The following MGST1 variants were observed in gnomAD, a reference collection of about 807,000 sequenced individuals.
The protein encoded by MGST1 is microsomal glutathione S-transferase 1.
In MGST1, 5 loss-of-function variants were observed where a neutral mutation model predicts 8.9. The ratio of observed to expected loss-of-function variants is 0.56; its 90% CI spans 0.29 to 1.19. The LOEUF (loss-of-function observed/expected upper bound fraction) is 1.19, where lower values mean the gene tolerates loss of function less well. Among genes scored for constraint, MGST1 ranks in the 50% most tolerant of loss-of-function variants. The pLI is 0.08. For synonymous variants in MGST1, 54 were observed against 67.8 expected (o/e 0.80, Z 1.00); for missense variants, 182 against 187.4 (o/e 0.97, Z 0.17).
At chr12:16,484,012 G>A (rs748557590) in intron 4 of MGST1, among the ~76,000 whole-genome samples, 7 of 152,192 alleles carry the variant, frequency 4.6e-5, no homozygotes, top group African/African-American at 1.4e-4. Context: ...TCTGACTACA[G>A]TGGGACCAAA....
intron 4 of MGST1, among the ~76,000 whole-genome samples, chr12:16,468,139 A>G (rs1418442727): frequency 6.6e-6 from 1 of 152,160 alleles, no homozygotes; most frequent in African/African-American, 2.4e-5. Context: ...AGCTCATTCT[A>G]TTTCCATCTG....
At chr12:16,557,122 A>G (rs552067875) in intron 4 of MGST1, among the ~76,000 whole-genome samples, 4 of 152,320 alleles carry the variant, frequency 2.6e-5, no homozygotes, top group African/African-American at 7.2e-5. Context: ...TGTAAATAGC[A>G]TTAACAACCT....
At chr12:16,477,352 A>T (rs1191355474) in intron 4 of MGST1, among the ~76,000 whole-genome samples, 1 of 152,184 alleles carries the variant, frequency 6.6e-6, no homozygotes, top group Non-Finnish European at 1.5e-5. Flanking sequence ...TAGATAGCCT[A>T]AAAAATGACA....
At chr12:16,575,860 C>A (rs1214157526) in intron 4 of MGST1, among the ~76,000 whole-genome samples, 2 of 152,080 alleles carry the variant, frequency 1.3e-5, no homozygotes, top group African/African-American at 4.8e-5. Context: ...TCTAGTTCTC[C>A]CTACGTGACA....
chr12:16,546,959 G>A lies in MGST1; in HGVS notation n.483-42569G>A, dbSNP rs891787285. ...AATTAAATCGTGTGTATACTAAAGC[G>A]TTGTAAAATTGACTCAAGTGTTTTA... On this transcript the variant is annotated intron_variant and non_coding_transcript_variant, in intron 4 of 4. Transcript: ENST00000538857. This position sits in a 1 kb window ranked among gnomAD's most constrained non-coding sequence, Gnocchi z 4.7. 7.9e-5 allele frequency among the ~76,000 whole-genome samples: 12 copies of A among 152,162 alleles called. No individual in the cohort carries two copies. The highest frequency in any genetic ancestry group is 2.4e-4 in the African/African-American group (10 of 41,522).
intron 4 of MGST1, among the ~76,000 whole-genome samples, chr12:16,453,708 T>A (rs1591733373): frequency 6.6e-6 from 1 of 151,918 alleles, no homozygotes; most frequent in Non-Finnish European, 1.5e-5. Context: ...CCCTGGCTGC[T>A]AGTGGTTTGC....
chr12:16,502,936 C>T (rs938184221), intron 4 of MGST1, among the ~76,000 whole-genome samples: 1 of 152,188 alleles, frequency 6.6e-6, no homozygotes, highest in Admixed American at 6.5e-5. Flanking sequence ...ACTCTTCCTA[C>T]ATGATGGCTG....
At chr12:16,477,197 C>T (rs1941329325) in intron 4 of MGST1, among the ~76,000 whole-genome samples, 1 of 152,142 alleles carries the variant, frequency 6.6e-6, no homozygotes, top group African/African-American at 2.4e-5. Context: ...GTTTGAAGTT[C>T]ATCCTGCTGT....
rs970654116 is a variant in MGST1, at chr12:16,361,147, C to A, written c.222-2648C>A. Among the ~76,000 whole-genome samples the A allele has an allele frequency of 2.0e-5, 3 of 152,026 alleles. No individual in the cohort carries two copies. Among genetic ancestry groups the A allele is most frequent in the Admixed American group, 6.5e-5 (1 of 15,270 alleles). ...AAGTCTCATCAATTTGGGAAAATTC[C>A]TTTGTGAGAATGTGAACACATGGCT... On this transcript the variant is annotated intron_variant, in intron 3 of 3. Coordinates refer to ENST00000396210, the MANE Select transcript of MGST1 (RefSeq NM_020300.5). This position sits in a 1 kb window ranked among gnomAD's most constrained non-coding sequence, Gnocchi z 4.2.
rs4149200 is a variant in MGST1 at position 16,360,744 on chromosome 12, G to C, written c.221+3045G>C. On this transcript the variant is annotated intron_variant, in intron 3 of 3. Coordinates refer to ENST00000396210, the MANE Select transcript of MGST1 (RefSeq NM_020300.5). ...TTAGAATATATTCCCTTTAAAGGTA[G>C]AGAATAACCCTTCACTGAGAGTGTT... Among the ~76,000 whole-genome samples, 268 of 152,308 alleles carry C rather than the reference G, an allele frequency of 1.8e-3. 2 individuals are homozygous for C. The East Asian group carries it at 0.043, about 24-fold the overall frequency.
downstream of MGST1, among the ~76,000 whole-genome samples, chr12:16,591,765 C>G (rs957799910): frequency 1.3e-5 from 2 of 152,042 alleles, no homozygotes; most frequent in African/African-American, 4.8e-5. The surrounding 1 kb of genome is among the most constrained non-coding windows in gnomAD (Gnocchi z 4.1). Context: ...GTCTGTCTTG[C>G]TCTGCACCCA....
intron 4 of MGST1, among the ~76,000 whole-genome samples, chr12:16,583,736 C>T (rs1943236300): frequency 6.6e-6 from 1 of 152,098 alleles, no homozygotes; most frequent in Non-Finnish European, 1.5e-5. Flanking sequence ...GTAGCATACC[C>T]ATGGCAATTT....
intron 4 of MGST1, among the ~76,000 whole-genome samples, chr12:16,583,529 T>C (rs2137556249): frequency 6.6e-6 from 1 of 152,144 alleles, no homozygotes; most frequent in African/African-American, 2.4e-5. Flanking sequence ...GGACATAAAA[T>C]TGGCCTTAGA....
intron 2 of MGST1, among the ~76,000 whole-genome samples, chr12:16,355,602 G>T (rs541422138): frequency 1.7e-4 from 26 of 152,306 alleles, no homozygotes; most frequent in African/African-American, 3.6e-4. Context: ...GTGGCTGTCT[G>T]CTTCCAGGTC....
chr12:16,484,782 G>A (rs2137149239), intron 4 of MGST1, among the ~76,000 whole-genome samples: 1 of 151,088 alleles, frequency 6.6e-6, no homozygotes, highest in Middle Eastern at 3.4e-3. Flanking sequence ...CTCCAACACT[G>A]GGGATTACAA....
chr12:16,513,448 G>T lies in MGST1; in HGVS notation n.483-76080G>T. 1 of 410,958 alleles carries T rather than the reference G, an allele frequency of 2.4e-6. No homozygotes were observed. The allele number at this position is 410,958 out of a possible 1,614,324, so 25.5% of individuals were successfully genotyped here. A position where few individuals can be genotyped will look rare whatever the true frequency, so the allele number is the denominator to read the frequency against. ...CCGGGATCGCCGCCGCCTTCCACCC[G>T]GGCTCGCCTCTGATGCCCCTGCCAG... On this transcript the variant is annotated intron_variant and non_coding_transcript_variant, in intron 4 of 4. Transcript: ENST00000538857. This position sits in a 1 kb window ranked among gnomAD's most constrained non-coding sequence, Gnocchi z 4.2.
At chr12:16,411,733 C>T (rs1000979756) in intron 1 of MGST1, among the ~76,000 whole-genome samples, 4 of 152,064 alleles carry the variant, frequency 2.6e-5, no homozygotes, top group African/African-American at 4.8e-5. Context: ...ATGATGTATT[C>T]TCTATGATAA....
At chr12:16,385,179 G>T (rs775044951) in intron 1 of MGST1, among the ~76,000 whole-genome samples, 76 of 152,164 alleles carry the variant, frequency 5.0e-4, no homozygotes, top group Non-Finnish European at 6.3e-4. Flanking sequence ...ACTAAAGATC[G>T]CCTCCCCAGT....
rs907940013 is a variant in MGST1, at chr12:16,369,454, A to G, written c.222-6668A>G. ...TCTAAGGAATCTGGAAATTGGCTGA[A>G]ACTTGGCTGATTCAGAAAGATCTCA... On this transcript the variant is annotated intron_variant, in intron 3 of 3. Coordinates refer to the MGST1 transcript ENST00000535309. The surrounding 1 kb of genome is among the most constrained non-coding windows in gnomAD (Gnocchi z 4.8). Among the ~76,000 whole-genome samples, 2 of 152,034 alleles carry G rather than the reference A, an allele frequency of 1.3e-5. No individual in the cohort carries two copies. Among genetic ancestry groups the G allele is most frequent in the Non-Finnish European group, 1.5e-5 (1 of 68,000 alleles).
Sources: gnomAD v4.1 joint callset for allele counts (sites outside exome capture counted in the v4.1 genomes callset) on GRCh38, gnomAD v4.1.1 for gene constraint, Gnocchi (gnomAD v3.1) non-coding constraint, MANE v1.5 for transcripts, NCBI Gene and HGNC (gene_info 2026-07-23, HGNC 2026-07-21) for gene names.